CCL28: variants seen among roughly 807,000 people sequenced by gnomAD.
CCL28 encodes the protein C-C motif chemokine 28.
A neutral mutation model predicts 7.1 loss-of-function variants in CCL28; 4 were observed. That is an observed-to-expected ratio of 0.56 (90% CI 0.28 to 1.29). The LOEUF is 1.29. CCL28 is among the 50% of genes most tolerant of loss of function. CCL28 has a pLI of 0.11. For missense variants in CCL28, 151 were observed against 163.4 expected (o/e 0.92, Z 0.41); for synonymous variants, 55 against 57.8 (o/e 0.95, Z 0.22).
At chr5:43,369,647 C>A in the CCL28 span, among the ~76,000 whole-genome samples, 1 of 152,152 alleles carries the variant, frequency 6.6e-6, no homozygotes, top group African/African-American at 2.4e-5. Flanking sequence ...TGGTCTCGAA[C>A]TCCTGACCTC....
chr5:43,362,247 G>T, the CCL28 span, among the ~76,000 whole-genome samples: 847 of 152,014 alleles, frequency 5.6e-3, 7 homozygotes, highest in African/African-American at 0.019. Flanking sequence ...TATTTTTGTG[G>T]CAGTTATGAA....
At chr5:43,361,764 A>C in the CCL28 span, among the ~76,000 whole-genome samples, 7 of 151,408 alleles carry the variant, frequency 4.6e-5, no homozygotes, top group Admixed American at 3.3e-4. Flanking sequence ...CTCATTGCTT[A>C]TTTTTGTCAG....
intron 1 of CCL28, among the ~76,000 whole-genome samples, chr5:43,404,777 A>G (rs1741195746): frequency 6.6e-6 from 1 of 152,198 alleles, no homozygotes; most frequent in South Asian, 2.1e-4. Flanking sequence ...TCTCAAGTGC[A>G]GGGACACACA....
the CCL28 span, among the ~76,000 whole-genome samples, chr5:43,363,422 C>T: frequency 6.6e-6 from 1 of 152,320 alleles, no homozygotes; most frequent in South Asian, 2.1e-4. Flanking sequence ...GGACCAGACA[C>T]ACAACCAACT....
the CCL28 span, among the ~76,000 whole-genome samples, chr5:43,368,077 C>G: frequency 6.6e-6 from 1 of 152,150 alleles, no homozygotes; most frequent in African/African-American, 2.4e-5. Flanking sequence ...CCAGGCTCCA[C>G]CACTTAAAGG....
At chr5:43,367,728 C>T in the CCL28 span, among the ~76,000 whole-genome samples, 1 of 152,116 alleles carries the variant, frequency 6.6e-6, no homozygotes, top group Non-Finnish European at 1.5e-5. Context: ...TGAGGTGAGC[C>T]ATGTACCTCA....
chr5:43,383,829 A>G, intron 2 of CCL28: 3 of 152,406 alleles, frequency 2.0e-5, no homozygotes, highest in Non-Finnish European at 4.4e-5. Flanking sequence ...GCTCACGCCT[A>G]TAATCCCAAC....
At chr5:43,376,758 T>G (rs1245413936), downstream of CCL28, 1 of 152,070 alleles carries the variant, frequency 6.6e-6, no homozygotes, top group African/African-American at 2.4e-5. Context: ...GCTGGAAAAT[T>G]TGGGCCACTG....
At chr5:43,409,755 G>A (rs1741457875) in intron 1 of CCL28, among the ~76,000 whole-genome samples, 1 of 152,078 alleles carries the variant, frequency 6.6e-6, no homozygotes, top group African/African-American at 2.4e-5. Flanking sequence ...GGGCACAAGT[G>A]AGCCTTAATC....
chr5:43,357,843 G>A, the CCL28 span, among the ~76,000 whole-genome samples: 1 of 152,290 alleles, frequency 6.6e-6, no homozygotes, highest in South Asian at 2.1e-4. Context: ...GCTCAATTAA[G>A]ATATCTTGTA....
chr5:43,360,804 G>T, the CCL28 span, among the ~76,000 whole-genome samples: 1 of 152,004 alleles, frequency 6.6e-6, no homozygotes, highest in East Asian at 1.9e-4. Flanking sequence ...GTTTCTTATA[G>T]ATTCTGGATA....
At chr5:43,395,674 C>G (rs1210817306) in intron 1 of CCL28, among the ~76,000 whole-genome samples, 1 of 151,908 alleles carries the variant, frequency 6.6e-6, no homozygotes, top group East Asian at 1.9e-4. Flanking sequence ...GGATCTCGTG[C>G]AAGAAAGAAT....
At chr5:43,405,220 A>C (rs1026067969) in intron 1 of CCL28, among the ~76,000 whole-genome samples, 2 of 152,248 alleles carry the variant, frequency 1.3e-5, no homozygotes, top group African/African-American at 4.8e-5. Flanking sequence ...TTAGCATCAC[A>C]TTGCACTTAT....
the CCL28 span, among the ~76,000 whole-genome samples, chr5:43,360,467 T>C: frequency 6.6e-6 from 1 of 152,252 alleles, no homozygotes; most frequent in African/African-American, 2.4e-5. Context: ...TTTCCCTCTT[T>C]GTGTCTATGT....
At chr5:43,403,853 C>T (rs573415692) in intron 1 of CCL28, among the ~76,000 whole-genome samples, 5 of 152,180 alleles carry the variant, frequency 3.3e-5, no homozygotes, top group South Asian at 2.1e-4. Context: ...ACGAGAACTA[C>T]GTGACGAATG....
At chr5:43,397,857 C>A (rs1247405310) in intron 1 of CCL28, among the ~76,000 whole-genome samples, 1 of 152,000 alleles carries the variant, frequency 6.6e-6, no homozygotes, top group East Asian at 1.9e-4. Context: ...TTCATTTATT[C>A]TCTCTTTTTT....
In CCL28 at chr5:43,380,456, A is replaced by T. The variant is rs1579719314; in HGVS notation, c.*1404T>A. On this transcript the variant is annotated 3_prime_UTR_variant, in exon 3 of 3. Transcript: ENST00000361115. Reference sequence around the variant, plus strand: ...TCTAAATGACAAAATAAGTACACGAATTCACGTAGGAAATTCTTAACCAAA... The same window carrying T: ...TCTAAATGACAAAATAAGTACACGATTTCACGTAGGAAATTCTTAACCAAA... The T allele has an allele frequency of 6.6e-6, 1 of 152,342 alleles. No individual in the cohort carries two copies. Among genetic ancestry groups the T allele is most frequent in the East Asian group, 1.9e-4 (1 of 5,196 alleles). 9.4% of individuals were successfully genotyped at this position (152,342 alleles called of 1,614,324 possible).
At chr5:43,367,204 G>A in the CCL28 span, among the ~76,000 whole-genome samples, 1 of 152,164 alleles carries the variant, frequency 6.6e-6, no homozygotes, top group Non-Finnish European at 1.5e-5. Flanking sequence ...AGACCACTTG[G>A]CTCCCTGGCC....
rs941104335 is a variant in CCL28 at position 43,379,780 on chromosome 5, T to C, written c.*2080A>G. On this transcript the variant is annotated 3_prime_UTR_variant, in exon 3 of 3. Coordinates refer to ENST00000361115, the MANE Select transcript of CCL28 (RefSeq NM_148672.3). ...TCTTACCTATCTATCTTGAAGCCTC[T>C]ATGGACAAAAAAGAGGCCAAAAGAG... 3 of 152,032 alleles carry C rather than the reference T, an allele frequency of 2.0e-5. No homozygotes were observed. The highest frequency in any genetic ancestry group is 4.4e-5 in the Non-Finnish European group (3 of 68,016). The allele number at this position is 152,032 out of a possible 1,614,324, so 9.4% of individuals were successfully genotyped here.
Sources: gnomAD v4.1 joint callset for allele counts (sites outside exome capture counted in the v4.1 genomes callset) on GRCh38, gnomAD v4.1.1 for gene constraint, MANE v1.5 for transcripts, NCBI Gene and HGNC (gene_info 2026-07-23, HGNC 2026-07-21) for gene names.